Variants in SLC39A11 observed in about 807,000 individuals in gnomAD.
The protein encoded by SLC39A11 is zinc transporter ZIP11.
A neutral mutation model predicts 36.1 loss-of-function variants in SLC39A11; 33 were observed. That is an observed-to-expected ratio of 0.91 (90% CI 0.69 to 1.22). SLC39A11 has a LOEUF of 1.22. Ranked by LOEUF, SLC39A11 falls within the 50% of genes most tolerant of loss-of-function variation. The probability of loss-of-function intolerance (pLI) is 0.00; values close to 1 mark genes in which losing one functional copy is unlikely to be tolerated. For missense variants in SLC39A11, 432 were observed against 430.3 expected, an observed-to-expected ratio of 1.00 and a Z score of -0.03; for synonymous variants, 166 against 170.3, an observed-to-expected ratio of 0.97 and a Z score of 0.20.
intron 7 of SLC39A11, among the ~76,000 whole-genome samples, chr17:72,717,138 A>G (rs1053309033): frequency 6.8e-6 from 1 of 147,872 alleles, no homozygotes; most frequent in African/African-American, 2.5e-5. Context: ...ATATACTTAT[A>G]TGTGTATATA....
rs2074094360 is a variant in SLC39A11, at chr17:72,729,432, TATATATATATATATATA to T, written c.671+7201_671+7217del. Reference sequence around the variant, plus strand: ...ATATATATATATATATATATATATATATATATATATATATATATATATATATTTTTTTTTTTTTTTTT... The same window carrying T: ...ATATATATATATATATATATATATATTATATATATTTTTTTTTTTTTTTTT... On this transcript the variant is annotated intron_variant, in intron 7 of 9. Transcript: ENST00000255559. Among the ~76,000 whole-genome samples, 16 of 3,456 alleles carry T rather than the reference TATATATATATATATATA, an allele frequency of 4.6e-3. 1 individual carries two copies. The highest frequency in any genetic ancestry group is 0.01 in the African/African-American group (11 of 1,054). 2.3% of individuals were successfully genotyped at this position (3,456 alleles called of 152,430 possible). A position where few individuals can be genotyped will look rare whatever the true frequency, so the allele number is the denominator to read the frequency against.
chr17:72,925,248 G>A (rs1274527662), intron 5 of SLC39A11, among the ~76,000 whole-genome samples: 1 of 152,152 alleles, frequency 6.6e-6, no homozygotes, highest in African/African-American at 2.4e-5. Context: ...TAGATGAACA[G>A]CAACTAAATC....
intron 5 of SLC39A11, among the ~76,000 whole-genome samples, chr17:72,924,581 A>G (rs1401820306): frequency 6.6e-6 from 1 of 152,200 alleles, no homozygotes; most frequent in Non-Finnish European, 1.5e-5. Context: ...GGCACCCCAA[A>G]TTGCTATAAG....
At chr17:72,868,089 C>T (rs1430524298) in intron 5 of SLC39A11, among the ~76,000 whole-genome samples, 1 of 152,240 alleles carries the variant, frequency 6.6e-6, no homozygotes, top group African/African-American at 2.4e-5. Context: ...GCCCTGATCA[C>T]TTGTGGTTTA....
intron 3 of SLC39A11, among the ~76,000 whole-genome samples, chr17:73,065,649 T>C (rs1260399620): frequency 6.6e-6 from 1 of 152,152 alleles, no homozygotes; most frequent in African/African-American, 2.4e-5. Flanking sequence ...GCTTCCAGAA[T>C]AACACAGCCC....
At chr17:72,660,876 C>G (rs7208843) in intron 7 of SLC39A11, among the ~76,000 whole-genome samples, 31,763 of 152,126 alleles carry the variant, frequency 0.21, 3,520 homozygotes, top group Middle Eastern at 0.31. Flanking sequence ...ACAACCAAAA[C>G]GTCTCCAGAC....
chr17:72,749,822 C>G (rs1312948271), intron 6 of SLC39A11, among the ~76,000 whole-genome samples: 1 of 151,980 alleles, frequency 6.6e-6, no homozygotes, highest in Admixed American at 6.6e-5. Flanking sequence ...GTAGACCATT[C>G]CAGGAGGAAG....
intron 6 of SLC39A11, among the ~76,000 whole-genome samples, chr17:72,777,770 G>A (rs768009232): frequency 3.9e-5 from 6 of 152,120 alleles, no homozygotes; most frequent in Non-Finnish European, 8.8e-5. Flanking sequence ...GTGGTACTTT[G>A]TTATGGCAGC....
chr17:72,865,750 A>G (rs1298058443), intron 5 of SLC39A11, among the ~76,000 whole-genome samples: 1 of 152,180 alleles, frequency 6.6e-6, no homozygotes, highest in Non-Finnish European at 1.5e-5. Context: ...TTTGTGTAAT[A>G]GCTCTTTTTT....
intron 6 of SLC39A11, among the ~76,000 whole-genome samples, chr17:72,784,260 G>T: frequency 6.6e-6 from 1 of 152,228 alleles, no homozygotes; most frequent in East Asian, 1.9e-4. Context: ...CAGGAGTCTT[G>T]CTTGAACCCG....
At chr17:72,752,869 A>G (rs2075207408) in intron 6 of SLC39A11, among the ~76,000 whole-genome samples, 1 of 151,462 alleles carries the variant, frequency 6.6e-6, no homozygotes. Context: ...TGTTGTTTTG[A>G]TTTTTGAGAT....
chr17:72,780,883 C>T (rs1027701730), intron 6 of SLC39A11, among the ~76,000 whole-genome samples: 6 of 152,036 alleles, frequency 3.9e-5, no homozygotes, highest in African/African-American at 1.4e-4. Flanking sequence ...GCTACTTGGG[C>T]GGCTGAAGCA....
At chr17:72,724,561 C>A (rs1163066281) in intron 7 of SLC39A11, among the ~76,000 whole-genome samples, 1 of 152,106 alleles carries the variant, frequency 6.6e-6, no homozygotes, top group Non-Finnish European at 1.5e-5. Flanking sequence ...CAGCTACAGA[C>A]AGATCAGCTC....
At chr17:72,959,721 ATT>A (rs1005437256) in intron 4 of SLC39A11, among the ~76,000 whole-genome samples, 3 of 152,020 alleles carry the variant, frequency 2.0e-5, no homozygotes, top group Non-Finnish European at 4.4e-5. Flanking sequence ...ATGGAAAAAA[ATT>A]TTTTTAAATA....
intron 7 of SLC39A11, among the ~76,000 whole-genome samples, chr17:72,698,661 T>C (rs952379162): frequency 2.0e-5 from 3 of 152,190 alleles, no homozygotes; most frequent in African/African-American, 7.2e-5. Flanking sequence ...TATTTATTCA[T>C]TCAGCAAATA....
At chr17:73,036,813 A>G (rs1472288708) in intron 3 of SLC39A11, among the ~76,000 whole-genome samples, 2 of 152,192 alleles carry the variant, frequency 1.3e-5, no homozygotes, top group African/African-American at 2.4e-5. Flanking sequence ...CACATATATA[A>G]TATCATGTAT....
At chr17:72,755,897 T>C (rs2075352438) in intron 6 of SLC39A11, among the ~76,000 whole-genome samples, 1 of 152,172 alleles carries the variant, frequency 6.6e-6, no homozygotes, top group African/African-American at 2.4e-5. Flanking sequence ...CTAGGGTAGC[T>C]CTGGAGAGCC....
intron 7 of SLC39A11, among the ~76,000 whole-genome samples, chr17:72,690,607 G>T (rs2071983291): frequency 6.6e-6 from 1 of 152,234 alleles, no homozygotes; most frequent in African/African-American, 2.4e-5. Context: ...GGACATGTAA[G>T]AGAGTATTTT....
intron 7 of SLC39A11, among the ~76,000 whole-genome samples, chr17:72,686,023 C>G (rs930024350): frequency 6.7e-6 from 1 of 149,320 alleles, no homozygotes; most frequent in East Asian, 1.9e-4. Context: ...GTGACTGAGA[C>G]TCTGTCTTAA....
Sources: gnomAD v4.1 joint callset for allele counts (sites outside exome capture counted in the v4.1 genomes callset) on GRCh38, gnomAD v4.1.1 for gene constraint, MANE v1.5 for transcripts, NCBI Gene and HGNC (gene_info 2026-07-23, HGNC 2026-07-21) for gene names.